NALF1: variants seen among roughly 807,000 people sequenced by gnomAD.
NALF1 encodes the protein family with sequence similarity 155 member A.
NALF1 carries 3 observed loss-of-function variants against 48.4 expected under a neutral mutation model. The ratio of observed to expected loss-of-function variants is 0.06; its 90% CI spans 0.03 to 0.16. The LOEUF is 0.16. Among genes scored for constraint, NALF1 ranks in the 10% least tolerant of loss-of-function variants. The probability of loss-of-function intolerance (pLI) is 1.00; values close to 1 mark genes in which losing one functional copy is unlikely to be tolerated. For synonymous variants in NALF1, 262 were observed against 245.7 expected (o/e 1.07, Z -0.62); for missense variants, 526 against 571.5 (o/e 0.92, Z 0.81).
intron 1 of NALF1, among the ~76,000 whole-genome samples, chr13:107,351,338 A>C (rs547845873): frequency 6.6e-6 from 1 of 152,266 alleles, no homozygotes; most frequent in African/African-American, 2.4e-5. Flanking sequence ...TTTGAAACCC[A>C]AATAAAATAG....
At chr13:107,356,189 A>C (rs1882960644) in intron 1 of NALF1, among the ~76,000 whole-genome samples, 1 of 152,164 alleles carries the variant, frequency 6.6e-6, no homozygotes, top group African/African-American at 2.4e-5. Flanking sequence ...TATAGATGTG[A>C]CCACTGCTCT....
At chr13:107,527,537 T>G (rs1261190841) in intron 1 of NALF1, among the ~76,000 whole-genome samples, 1 of 152,074 alleles carries the variant, frequency 6.6e-6, no homozygotes, top group African/African-American at 2.4e-5. Flanking sequence ...AAATACAGAT[T>G]TATACGCCTC....
At position 107,579,015 on chromosome 13, in the gene NALF1, G is replaced by A. The variant is rs113223454; in HGVS notation, c.915+286667C>T. Among the ~76,000 whole-genome samples, 239 of 152,234 alleles carry A rather than the reference G, an allele frequency of 1.6e-3. 1 individual carries two copies. Among genetic ancestry groups the A allele is most frequent in the African/African-American group, 5.5e-3 (230 of 41,536 alleles). On this transcript the variant is annotated intron_variant, in intron 1 of 2. Coordinates refer to ENST00000375915, the MANE Select transcript of NALF1 (RefSeq NM_001080396.3). ...TGTCACTCTGCTCCAAGCCATCATT[G>A]TACTTTGCCTGAATTACTACAAACC...
chr13:107,246,562 T>A (rs1279157348), intron 1 of NALF1, among the ~76,000 whole-genome samples: 3 of 152,232 alleles, frequency 2.0e-5, no homozygotes, highest in Non-Finnish European at 4.4e-5. Context: ...ATTCTCCTGA[T>A]ATATCCTCAA....
intron 1 of NALF1, among the ~76,000 whole-genome samples, chr13:107,645,175 A>G (rs191478441): frequency 6.6e-6 from 1 of 152,284 alleles, no homozygotes; most frequent in Non-Finnish European, 1.5e-5. Context: ...TTTGGCTTTA[A>G]TAGGCACTGC....
Position 107,417,136 on chromosome 13 carries a change from C to CT in NALF1, c.916-206382dup, listed in dbSNP as rs532153434. On this transcript the variant is annotated intron_variant, in intron 1 of 2. Transcript: ENST00000375915. ...ACACAATGCATACTGTTGTTTAACT[C>CT]TTTAAGTATTTTTCTTTCTTCCTAA... Among the ~76,000 whole-genome samples, 460 of 152,340 alleles carry CT rather than the reference C, an allele frequency of 3.0e-3. 4 individuals carry two copies. The highest frequency in any genetic ancestry group is 0.011 in the African/African-American group (437 of 41,580).
intron 1 of NALF1, among the ~76,000 whole-genome samples, chr13:107,457,194 T>C (rs1339408035): frequency 1.3e-5 from 2 of 152,190 alleles, no homozygotes; most frequent in African/African-American, 4.8e-5. Flanking sequence ...TATGGTATGA[T>C]TTAAAGTTTT....
At chr13:107,395,139 T>C (rs950894994) in intron 1 of NALF1, among the ~76,000 whole-genome samples, 1 of 152,128 alleles carries the variant, frequency 6.6e-6, no homozygotes, top group African/African-American at 2.4e-5. Context: ...GTCCAGACAA[T>C]AATAACTCAT....
Position 107,530,567 on chromosome 13 carries a change from A to G in NALF1, c.916-319812T>C, listed in dbSNP as rs553239389. ...GACCTGTGATCATTTTAGTATATTC[A>G]TAACATGTGGATGTATGCAGAAGAT... On this transcript the variant is annotated intron_variant, in intron 1 of 2. Transcript: ENST00000375915. Among the ~76,000 whole-genome samples the G allele has an allele frequency of 1.3e-4, 20 of 152,258 alleles. No homozygotes were observed. In the South Asian group the frequency reaches 3.7e-3, roughly 28 times the overall value.
chr13:107,277,415 C>A (rs1881302448), intron 1 of NALF1, among the ~76,000 whole-genome samples: 1 of 152,156 alleles, frequency 6.6e-6, no homozygotes, highest in African/African-American at 2.4e-5. Context: ...AATTTCTACT[C>A]TAGGCAATTT....
At chr13:107,592,707 C>G (rs918110912) in intron 1 of NALF1, among the ~76,000 whole-genome samples, 1 of 151,868 alleles carries the variant, frequency 6.6e-6, no homozygotes, top group Non-Finnish European at 1.5e-5. Flanking sequence ...TTGTTATCAT[C>G]AACTTCTAAA....
intron 1 of NALF1, among the ~76,000 whole-genome samples, chr13:107,213,247 A>AG (rs1206390950): frequency 2.1e-5 from 3 of 145,206 alleles, no homozygotes; most frequent in African/African-American, 2.6e-5. Context: ...AAAAAAAAAA[A>AG]AAAGAAAAGA....
chr13:107,621,559 T>C (rs1879517421), intron 1 of NALF1, among the ~76,000 whole-genome samples: 1 of 152,204 alleles, frequency 6.6e-6, no homozygotes, highest in Non-Finnish European at 1.5e-5. Flanking sequence ...GCTAAGAAGT[T>C]CCAGCTTTCA....
chr13:107,313,044 G>T (rs1360985389), intron 1 of NALF1, among the ~76,000 whole-genome samples: 9 of 152,114 alleles, frequency 5.9e-5, no homozygotes, highest in Non-Finnish European at 1.5e-5. Context: ...AGTTCTCTTG[G>T]AAATTTAAAA....
At chr13:107,173,117 G>A (rs572326637) in intron 2 of NALF1, among the ~76,000 whole-genome samples, 1 of 152,038 alleles carries the variant, frequency 6.6e-6, no homozygotes, top group African/African-American at 2.4e-5. Context: ...CTTTCTCAAA[G>A]GCAAATATTT....
intron 1 of NALF1, among the ~76,000 whole-genome samples, chr13:107,309,431 T>G (rs970649823): frequency 6.6e-6 from 1 of 152,222 alleles, no homozygotes; most frequent in Non-Finnish European, 1.5e-5. Flanking sequence ...TTTACTTTTC[T>G]TAAATTTCTG....
intron 1 of NALF1, among the ~76,000 whole-genome samples, chr13:107,508,893 A>G (rs1016244684): frequency 6.6e-6 from 1 of 152,190 alleles, no homozygotes; most frequent in Non-Finnish European, 1.5e-5. Context: ...TTTCCCTGCT[A>G]AATTTAAAAC....
chr13:107,490,033 G>C (rs924326441), intron 1 of NALF1, among the ~76,000 whole-genome samples: 2 of 152,112 alleles, frequency 1.3e-5, no homozygotes, highest in Admixed American at 6.6e-5. Context: ...AACACAATGA[G>C]ATACCATCTT....
intron 1 of NALF1, among the ~76,000 whole-genome samples, chr13:107,761,111 A>C (rs1280282016): frequency 2.6e-5 from 4 of 152,172 alleles, no homozygotes; most frequent in African/African-American, 9.7e-5. Flanking sequence ...TAATCCCAGT[A>C]CTTTGGGAGG....
Sources: gnomAD v4.1 joint callset for allele counts (sites outside exome capture counted in the v4.1 genomes callset) on GRCh38, gnomAD v4.1.1 for gene constraint, MANE v1.5 for transcripts, NCBI Gene and HGNC (gene_info 2026-07-23, HGNC 2026-07-21) for gene names.